Variants in RILPL2 observed in about 807,000 individuals in gnomAD.
RILPL2 encodes the protein Rab interacting lysosomal protein like 2.
Under a neutral mutation model 22.2 loss-of-function variants are expected in RILPL2, and 19 were observed. That is an observed-to-expected ratio of 0.86 (90% CI 0.60 to 1.25). RILPL2 has a LOEUF of 1.25. Ranked by LOEUF, RILPL2 falls within the 50% of genes most tolerant of loss-of-function variation. RILPL2 has a pLI of 0.00. For synonymous variants in RILPL2, 123 were observed against 111.6 expected, an observed-to-expected ratio of 1.10 and a Z score of -0.64; for missense variants, 243 against 263.6, an observed-to-expected ratio of 0.92 and a Z score of 0.54.
At chr12:123,413,687 T>A (rs1470438203), downstream of RILPL2, 1 of 152,254 alleles carries the variant, frequency 6.6e-6, no homozygotes, top group Non-Finnish European at 1.5e-5. Context: ...GGCAGCCTGC[T>A]TTTATTCTCT....
At chr12:123,422,533 G>A (rs1473598599) in intron 3 of RILPL2, among the ~76,000 whole-genome samples, 1 of 152,022 alleles carries the variant, frequency 6.6e-6, no homozygotes, top group African/African-American at 2.4e-5. Flanking sequence ...AAAACAAAAC[G>A]ATGTTTTTTC....
intron 2 of RILPL2, among the ~76,000 whole-genome samples, chr12:123,428,969 T>G (rs1879519416): frequency 6.6e-6 from 1 of 152,196 alleles, no homozygotes; most frequent in African/African-American, 2.4e-5. Context: ...CCAGAATTAT[T>G]TGACTACAGA....
chr12:123,423,739 C>T (rs545747711), intron 2 of RILPL2, among the ~76,000 whole-genome samples: 3 of 151,514 alleles, frequency 2.0e-5, no homozygotes, highest in East Asian at 1.9e-4. Context: ...CTGCAAGCTC[C>T]GCCTCCCAGG....
At chr12:123,421,248 T>C (rs927172516) in intron 3 of RILPL2, among the ~76,000 whole-genome samples, 3 of 152,070 alleles carry the variant, frequency 2.0e-5, no homozygotes, top group African/African-American at 4.8e-5. Flanking sequence ...TTCACCATGT[T>C]GGCCAGGCTG....
downstream of RILPL2, chr12:123,413,819 T>G (rs1180398899): frequency 6.6e-6 from 1 of 151,578 alleles, no homozygotes; most frequent in Non-Finnish European, 1.5e-5. Flanking sequence ...CCCCACCAGA[T>G]TAGCTAGATA....
downstream of RILPL2, among the ~76,000 whole-genome samples, chr12:123,410,442 G>C (rs543851983): frequency 2.1e-4 from 32 of 152,108 alleles, no homozygotes; most frequent in Non-Finnish European, 4.4e-4. Flanking sequence ...TGTGACATTG[G>C]TCAAGTCACT....
chr12:123,423,563 G>T (rs370088023), intron 2 of RILPL2, among the ~76,000 whole-genome samples: 34 of 151,918 alleles, frequency 2.2e-4, no homozygotes, highest in African/African-American at 8.2e-4. Context: ...TGATGATGAT[G>T]ATTATGGTAA....
At chr12:123,429,365 G>A (rs141433349) in intron 2 of RILPL2, among the ~76,000 whole-genome samples, 3,544 of 152,148 alleles carry the variant, frequency 0.023, 66 homozygotes, top group Non-Finnish European at 0.038. Context: ...GCACGATCTC[G>A]GCTCACTGCA....
At position 123,436,443 on chromosome 12, in the gene RILPL2, C is replaced by T. The variant is rs1041995024; in HGVS notation, c.-23G>A. ...CATGGCCACCCAGACCCCCGCCGAC[C>T]TCGGAGCTGCTGTCTTGGAGTCTCC... On this transcript the variant is annotated 5_prime_UTR_variant, in exon 1 of 4. Coordinates refer to ENST00000280571, the MANE Select transcript of RILPL2 (RefSeq NM_145058.3). The surrounding 1 kb of genome is among the most constrained non-coding windows in gnomAD (Gnocchi z 6.7). 8 of 1,540,612 alleles carry T rather than the reference C, an allele frequency of 5.2e-6. No individual in the cohort carries two copies. In the Admixed American group the frequency reaches 5.9e-5, roughly 11 times the overall value.
intron 3 of RILPL2, among the ~76,000 whole-genome samples, chr12:123,421,979 C>G (rs1879294988): frequency 6.9e-6 from 1 of 145,760 alleles, no homozygotes; most frequent in Non-Finnish European, 1.5e-5. Flanking sequence ...TCGCTATTAT[C>G]ATTTTTGTTT....
chr12:123,413,624 C>T (rs1188068328), downstream of RILPL2: 2 of 152,236 alleles, frequency 1.3e-5, no homozygotes, highest in Non-Finnish European at 2.9e-5. Flanking sequence ...AACAAAAGAA[C>T]AAAGCTTCCA....
Position 123,427,073 on chromosome 12 carries a change from C to T in RILPL2, c.491+3435G>A, listed in dbSNP as rs115593370. Among the ~76,000 whole-genome samples, 247 of 152,186 alleles carry T rather than the reference C, an allele frequency of 1.6e-3. 1 individual carries two copies. The highest frequency in any genetic ancestry group is 5.4e-3 in the African/African-American group (224 of 41,524). ...TCAGCCTCCCAAGTAGCTGAGACTA[C>T]AGGCACTGAGACTATAGGTGCACAC... On this transcript the variant is annotated intron_variant, in intron 2 of 3. Coordinates refer to ENST00000280571, the MANE Select transcript of RILPL2 (RefSeq NM_145058.3).
At chr12:123,418,382 T>C (rs1178376799) in intron 3 of RILPL2, among the ~76,000 whole-genome samples, 1 of 152,220 alleles carries the variant, frequency 6.6e-6, no homozygotes, top group South Asian at 2.1e-4. Context: ...AAATCTAAAG[T>C]AGTCCTCTCT....
rs757652253 is a variant in RILPL2 at position 123,436,322 on chromosome 12, G to A, written c.99C>T (p.Pro33=). The A allele has an allele frequency of 1.3e-6, 2 of 1,580,042 alleles. No homozygotes were observed. The highest frequency in any genetic ancestry group is 1.7e-6 in the Non-Finnish European group (2 of 1,163,316). Residue 33 remains proline (P), a synonymous_variant, in exon 1 of 4, where the codon CCC becomes CCT. Transcript: ENST00000280571. The surrounding 1 kb of genome is among the most constrained non-coding windows in gnomAD (Gnocchi z 6.7). ...ACACGTCCTCGGCGGTCAGCTGGAAGGGGCTCTTGCCCAGCGCCCCCTCGG... is the reference window on the plus strand; with the variant it reads ...ACACGTCCTCGGCGGTCAGCTGGAAAGGGCTCTTGCCCAGCGCCCCCTCGG... The part of the protein sequence containing the change: ...VGPEGALGKS[P]FQLTAEDVYD...
At chr12:123,410,180 G>A (rs1239509887), downstream of RILPL2, among the ~76,000 whole-genome samples, 4 of 152,154 alleles carry the variant, frequency 2.6e-5, no homozygotes, top group Non-Finnish European at 5.9e-5. Context: ...TTAGAACAAT[G>A]GCACATAGTA....
chr12:123,432,407 A>T (rs538273576), intron 1 of RILPL2, among the ~76,000 whole-genome samples: 456 of 152,254 alleles, frequency 3.0e-3, no homozygotes, highest in Non-Finnish European at 4.1e-3. Context: ...AGGGAGGCTG[A>T]GGTGGGAGGA....
rs146955829 is a variant in RILPL2, at chr12:123,436,406, A to T, written c.15T>A (p.Pro5=). Residue 5 remains proline (P), a synonymous_variant, in exon 1 of 4, where the codon CCT becomes CCA. Transcript: ENST00000280571. This position sits in a 1 kb window ranked among gnomAD's most constrained non-coding sequence, Gnocchi z 6.7. ...CCTCCTCCTCTTCCTCTTCTCGCAC[A>T]GGGGGCTCCTCCATGGCCACCCAGA... MEEP[P]VREEEEEEGE... 9 of 1,548,714 alleles carry T rather than the reference A, an allele frequency of 5.8e-6. No individual in the cohort carries two copies. In the African/African-American group the frequency reaches 1.2e-4, roughly 21 times the overall value.
At chr12:123,435,979 A>G in intron 1 of RILPL2, 103 bp downstream of exon 1, 1 of 1,425,380 alleles carries the variant, frequency 7.0e-7, no homozygotes, top group Non-Finnish European at 9.2e-7. Context: ...AAGAAAAAAG[A>G]GAAAAGAGAA....
At chr12:123,416,912 A>G (rs1879132778) in intron 3 of RILPL2, among the ~76,000 whole-genome samples, 1 of 152,166 alleles carries the variant, frequency 6.6e-6, no homozygotes, top group Non-Finnish European at 1.5e-5. Context: ...AAGACAGCCA[A>G]TGAAAGTCCT....
Sources: gnomAD v4.1 joint callset for allele counts (sites outside exome capture counted in the v4.1 genomes callset) on GRCh38, gnomAD v4.1.1 for gene constraint, Gnocchi (gnomAD v3.1) non-coding constraint, MANE v1.5 for transcripts, NCBI Gene and HGNC (gene_info 2026-07-23, HGNC 2026-07-21) for gene names.